DOCK4: variants seen among roughly 807,000 people sequenced by gnomAD.
The protein encoded by DOCK4 is dedicator of cytokinesis 4, also known as dedicator of cytokinesis protein 4.
In DOCK4, 97 loss-of-function variants were observed where a neutral mutation model predicts 268.1. The ratio of observed to expected loss-of-function variants is 0.36; its 90% CI spans 0.31 to 0.43. The LOEUF is 0.43. Ranked by LOEUF, DOCK4 falls within the 20% of genes least tolerant of loss-of-function variation. DOCK4 has a pLI of 1.00. For missense variants in DOCK4, 2,145 were observed against 2,455.7 expected (o/e 0.87, Z 2.67); for synonymous variants, 954 against 887.2 (o/e 1.08, Z -1.34).
At chr7:111,952,128 ACAAACAAAACTGCATGAAG>A (rs1283503258) in intron 8 of DOCK4, among the ~76,000 whole-genome samples, 2 of 152,052 alleles carry the variant, frequency 1.3e-5, no homozygotes, top group Non-Finnish European at 2.9e-5. Context: ...AAATGAATAA[ACAAACAAAACTGCATGAAG>A]CCAAATGAAA....
rs1022163614 is a variant in DOCK4 at position 111,788,353 on chromosome 7, C to T, written c.3401+309G>A. The T allele has an allele frequency of 3.6e-5, 11 of 304,792 alleles. 1 individual carries two copies. The highest frequency in any genetic ancestry group is 6.8e-5 in the Non-Finnish European group (11 of 161,074). 18.9% of individuals were successfully genotyped at this position (304,792 alleles called of 1,614,324 possible). ...TTCTCCTCTCCCACTTATAACCCCACTTAAAATCATTATCTTGCAGGAATG... is the reference window on the plus strand; with the variant it reads ...TTCTCCTCTCCCACTTATAACCCCATTTAAAATCATTATCTTGCAGGAATG... On this transcript the variant is annotated intron_variant, in intron 32 of 52. Transcript: ENST00000428084.
At chr7:112,164,339 T>A (rs1033904863) in intron 1 of DOCK4, among the ~76,000 whole-genome samples, 3 of 152,200 alleles carry the variant, frequency 2.0e-5, no homozygotes, top group Non-Finnish European at 4.4e-5. Flanking sequence ...ACCCTGCACA[T>A]CTTTACTGGT....
chr7:111,935,669 T>A (rs770195197), intron 11 of DOCK4, 41 bp from the exon 12 acceptor site: 9 of 1,538,968 alleles, frequency 5.8e-6, no homozygotes, highest in Non-Finnish European at 8.1e-6. Context: ...TAATGATGCA[T>A]GCAGTCAAGC....
chr7:111,752,386 G>A (rs181891925), intron 42 of DOCK4, among the ~76,000 whole-genome samples: 8 of 152,226 alleles, frequency 5.3e-5, no homozygotes, highest in Admixed American at 5.2e-4. Context: ...ACTAGGTGGC[G>A]CTATCGGTGG....
At chr7:112,034,343 G>A (rs1803549335) in intron 1 of DOCK4, among the ~76,000 whole-genome samples, 1 of 152,170 alleles carries the variant, frequency 6.6e-6, no homozygotes, top group South Asian at 2.1e-4. Context: ...ACTCTAGCAT[G>A]GCTCTGAATC....
chr7:112,169,979 A>T (rs2729557), intron 1 of DOCK4, among the ~76,000 whole-genome samples: 141,767 of 152,208 alleles, frequency 0.93, 66,081 homozygotes, highest in Middle Eastern at 0.97. Flanking sequence ...CTTGGGTCTC[A>T]CAGGTTCCAG....
At chr7:111,988,547 T>C (rs140828303) in intron 6 of DOCK4, among the ~76,000 whole-genome samples, 1 of 152,158 alleles carries the variant, frequency 6.6e-6, no homozygotes, top group Non-Finnish European at 1.5e-5. Context: ...ATCACAGCAA[T>C]AATAAAAGGC....
intron 1 of DOCK4, among the ~76,000 whole-genome samples, chr7:112,138,895 C>A (rs1814619941): frequency 6.6e-6 from 1 of 152,138 alleles, no homozygotes; most frequent in South Asian, 2.1e-4. Flanking sequence ...TGTCTACAAG[C>A]CAGGAAGTGG....
At chr7:111,897,548 A>G (rs1808859147) in intron 15 of DOCK4, among the ~76,000 whole-genome samples, 1 of 152,132 alleles carries the variant, frequency 6.6e-6, no homozygotes, top group South Asian at 2.1e-4. Context: ...CTGGCCCGTA[A>G]GAGCTGAGAG....
At chr7:112,189,746 G>GTTT (rs57399750) in intron 1 of DOCK4, among the ~76,000 whole-genome samples, 1,209 of 95,564 alleles carry the variant, frequency 0.013, 56 homozygotes, top group African/African-American at 0.017. Context: ...TCTGGGTTTT[G>GTTT]TTTTTTTTTT....
In DOCK4 at chr7:111,844,270, C is replaced by T. The variant is rs566534878; in HGVS notation, c.2736+493G>A. ...CAACCTGGGAGACAGAGCGAGACTC[C>T]GTCTCAAAAAAAGAAAAAAAACTTT... is the stretch of plus-strand genomic sequence containing the variant. On this transcript the variant is annotated intron_variant, in intron 25 of 52. Coordinates refer to ENST00000428084, the MANE Select transcript of DOCK4 (RefSeq NM_001363540.2). Among the ~76,000 whole-genome samples the T allele has an allele frequency of 9.2e-5, 14 of 152,130 alleles. No individual in the cohort carries two copies. The South Asian group carries it at 2.9e-3, about 32-fold the overall frequency.
intron 1 of DOCK4, among the ~76,000 whole-genome samples, chr7:112,125,117 T>C (rs977329834): frequency 6.6e-6 from 1 of 152,196 alleles, no homozygotes; most frequent in African/African-American, 2.4e-5. Context: ...TACATATGAA[T>C]GAATAAAGGG....
chr7:111,983,157 A>C (rs1798738880), intron 7 of DOCK4, among the ~76,000 whole-genome samples: 1 of 152,210 alleles, frequency 6.6e-6, no homozygotes, highest in Non-Finnish European at 1.5e-5. Flanking sequence ...AATGAAGTGT[A>C]GATAATCTGA....
rs571955517 is a variant in DOCK4, at chr7:111,893,575, A to G, written c.1587+2037T>C. Among the ~76,000 whole-genome samples, 8 of 152,352 alleles carry G rather than the reference A, an allele frequency of 5.3e-5. No homozygotes were observed. The South Asian group carries it at 1.4e-3, about 28-fold the overall frequency. On this transcript the variant is annotated intron_variant, in intron 16 of 52. Transcript: ENST00000428084. ...ATTGAAGCTCAAGACATTGCCTGTT[A>G]TATTATATATCTTATCGGGCAGCCT...
chr7:111,931,510 G>C (rs1217575004), intron 12 of DOCK4, among the ~76,000 whole-genome samples: 1 of 152,196 alleles, frequency 6.6e-6, no homozygotes. Context: ...AACAGAATGT[G>C]CTTCCCTTCC....
At chr7:112,173,908 G>A (rs981900614) in intron 1 of DOCK4, among the ~76,000 whole-genome samples, 4 of 152,164 alleles carry the variant, frequency 2.6e-5, no homozygotes, top group African/African-American at 7.2e-5. Flanking sequence ...GGCACTGACA[G>A]GACCTGGACC....
intron 1 of DOCK4, among the ~76,000 whole-genome samples, chr7:112,102,671 C>A (rs578194879): frequency 3.3e-4 from 50 of 152,302 alleles, no homozygotes; most frequent in African/African-American, 1.1e-3. Context: ...GGAACAGGCC[C>A]TCACCAGACA....
intron 1 of DOCK4, among the ~76,000 whole-genome samples, chr7:112,193,869 G>C (rs1228040664): frequency 6.6e-6 from 1 of 151,944 alleles, no homozygotes; most frequent in Non-Finnish European, 1.5e-5. Context: ...ACTAGTTCCT[G>C]GTGAGGACTC....
At chr7:112,046,922 G>C (rs1012195338) in intron 1 of DOCK4, among the ~76,000 whole-genome samples, 1 of 152,130 alleles carries the variant, frequency 6.6e-6, no homozygotes, top group Non-Finnish European at 1.5e-5. Context: ...CAGCAGCAGC[G>C]AGGAAAAAGC....
Sources: gnomAD v4.1 joint callset for allele counts (sites outside exome capture counted in the v4.1 genomes callset) on GRCh38, gnomAD v4.1.1 for gene constraint, MANE v1.5 for transcripts, NCBI Gene and HGNC (gene_info 2026-07-23, HGNC 2026-07-21) for gene names.